Variants in EEFSEC observed in about 807,000 individuals in gnomAD.
The protein encoded by EEFSEC is eukaryotic elongation factor, selenocysteine-tRNA specific.
EEFSEC carries 43 observed loss-of-function variants against 42.1 expected under a neutral mutation model. That is an observed-to-expected ratio of 1.02 (90% CI 0.80 to 1.32). The LOEUF (loss-of-function observed/expected upper bound fraction) is 1.32. EEFSEC is among the 40% of genes most tolerant of loss of function. The pLI, the probability that EEFSEC is intolerant of heterozygous loss-of-function variation, is 0.00. For synonymous variants in EEFSEC, 354 were observed against 339.1 expected (o/e 1.04, Z -0.48); for missense variants, 745 against 803.6 (o/e 0.93, Z 0.88).
intron 6 of EEFSEC, among the ~76,000 whole-genome samples, chr3:128,376,103 G>C (rs2067706859): frequency 1.3e-5 from 2 of 152,178 alleles, no homozygotes; most frequent in Admixed American, 6.5e-5. Context: ...GGAGTAGGGT[G>C]CCTCTTTCCC....
chr3:128,322,847 C>A (rs973264082), intron 4 of EEFSEC, among the ~76,000 whole-genome samples: 6 of 152,174 alleles, frequency 3.9e-5, no homozygotes, highest in African/African-American at 1.4e-4. Context: ...CCCACCTTTG[C>A]CCCTGCTGGT....
chr3:128,157,747 T>C (rs907669993), intron 1 of EEFSEC, among the ~76,000 whole-genome samples: 1 of 152,244 alleles, frequency 6.6e-6, no homozygotes, highest in Non-Finnish European at 1.5e-5. Flanking sequence ...ATAATGCACC[T>C]GGTCACCTAA....
intron 1 of EEFSEC, among the ~76,000 whole-genome samples, chr3:128,230,031 C>A (rs2065944388): frequency 6.7e-6 from 1 of 149,866 alleles, no homozygotes; most frequent in Non-Finnish European, 1.5e-5. Context: ...TTTTTCTTTT[C>A]TTTTCTTTTT....
Position 128,173,980 on chromosome 3 carries a change from C to T in EEFSEC, c.316+20157C>T, listed in dbSNP as rs545275558. 9.2e-5 allele frequency among the ~76,000 whole-genome samples: 14 copies of T among 152,298 alleles called. No individual in the cohort carries two copies. In the East Asian group the frequency reaches 2.1e-3, roughly 23 times the overall value. On this transcript the variant is annotated intron_variant, in intron 1 of 6. Transcript: ENST00000254730. ...TCTCTTCCAGCCCTATCCGCATTCT[C>T]GCACAGATAAGTGAGAGGAATGGTG...
chr3:128,176,190 T>C (rs1290853817), intron 1 of EEFSEC, among the ~76,000 whole-genome samples: 1 of 152,180 alleles, frequency 6.6e-6, no homozygotes, highest in African/African-American at 2.4e-5. Context: ...TTTTCCTTTT[T>C]TTTTTGGTTG....
At chr3:128,408,039 G>C in intron 6 of EEFSEC, 30 bp from the exon 7 acceptor site, 1 of 1,503,540 alleles carries the variant, frequency 6.7e-7, no homozygotes, top group Non-Finnish European at 8.9e-7. Context: ...GGGTACGGCA[G>C]AGTGACAGGC....
chr3:128,308,843 G>C (rs534050907), intron 4 of EEFSEC, among the ~76,000 whole-genome samples: 1 of 152,328 alleles, frequency 6.6e-6, no homozygotes, highest in African/African-American at 2.4e-5. Flanking sequence ...CACCGCCCCT[G>C]CTGTCTGCAG....
At chr3:128,194,999 T>C (rs1020668630) in intron 1 of EEFSEC, among the ~76,000 whole-genome samples, 5 of 152,182 alleles carry the variant, frequency 3.3e-5, no homozygotes, top group Non-Finnish European at 5.9e-5. Context: ...CGCTCCTCCT[T>C]CTTGGAGCTG....
In EEFSEC at chr3:128,153,662, G is replaced by A; in HGVS notation, c.155G>A (p.Gly52Asp). 6.3e-7 allele frequency: 1 copy of A among 1,597,522 alleles called. No individual in the cohort carries two copies. Among genetic ancestry groups the A allele is most frequent in the Admixed American group, 1.7e-5 (1 of 59,796 alleles). The change falls in exon 1 of 7, where the codon GGC becomes GAC. Residue 52 changes from glycine (G) to aspartate (D), a missense_variant. Gly to Asp is a moderately conservative substitution (Grantham distance 94). Transcript: ENST00000254730. ...GAGCGCGGCATCACGCTCGATCTGG[G>A]CTTCTCGTGCTTCTCGGTGCCGCTG... ...SRERGITLDL[G>D]FSCFSVPLPA...
chr3:128,355,456 A>C (rs999770372), intron 5 of EEFSEC, among the ~76,000 whole-genome samples: 2 of 152,118 alleles, frequency 1.3e-5, no homozygotes, highest in African/African-American at 4.8e-5. Context: ...ACAGAGGGGC[A>C]TGAGGACCCT....
At chr3:128,300,562 A>G (rs1257552101) in intron 4 of EEFSEC, among the ~76,000 whole-genome samples, 1 of 118,988 alleles carries the variant, frequency 8.4e-6, no homozygotes, top group Non-Finnish European at 1.8e-5. Context: ...AAAAAAAAAA[A>G]GGCCAGTGTG....
intron 4 of EEFSEC, among the ~76,000 whole-genome samples, chr3:128,337,300 A>G (rs2067200598): frequency 1.3e-5 from 2 of 152,072 alleles, no homozygotes; most frequent in Admixed American, 6.5e-5. Flanking sequence ...TAAAATCTTG[A>G]TTTGCACAGT....
At chr3:128,398,029 G>A (rs2068002263) in intron 6 of EEFSEC, among the ~76,000 whole-genome samples, 1 of 152,270 alleles carries the variant, frequency 6.6e-6, no homozygotes, top group Admixed American at 6.5e-5. Context: ...CAGCCTGGAG[G>A]AGGGTGATGA....
downstream of EEFSEC, among the ~76,000 whole-genome samples, chr3:128,412,761 C>A (rs947669308): frequency 1.3e-5 from 2 of 152,214 alleles, no homozygotes; most frequent in Non-Finnish European, 1.5e-5. Context: ...TCAGCCGGCA[C>A]CAGGCTTGGC....
chr3:128,293,684 A>AC (rs2066672328), intron 4 of EEFSEC, among the ~76,000 whole-genome samples: 2 of 150,966 alleles, frequency 1.3e-5, no homozygotes, highest in African/African-American at 2.4e-5. Flanking sequence ...AAAAAAAAAA[A>AC]AAACTTCCCT....
chr3:128,356,158 C>G (rs1252623395), intron 5 of EEFSEC, among the ~76,000 whole-genome samples: 1 of 152,210 alleles, frequency 6.6e-6, no homozygotes, highest in Non-Finnish European at 1.5e-5. Context: ...AGGAATAAAA[C>G]AAGAATATTA....
chr3:128,189,259 T>C (rs571105487), intron 1 of EEFSEC, among the ~76,000 whole-genome samples: 8 of 152,338 alleles, frequency 5.3e-5, no homozygotes, highest in Admixed American at 2.0e-4. Context: ...CAAAACTCCA[T>C]TCACACAATG....
chr3:128,308,358 G>A (rs2066854618), intron 4 of EEFSEC, among the ~76,000 whole-genome samples: 1 of 152,342 alleles, frequency 6.6e-6, no homozygotes, highest in African/African-American at 2.4e-5. Flanking sequence ...TGTCAGGGGA[G>A]GGGGAATTGG....
chr3:128,415,159 G>C, the EEFSEC span, among the ~76,000 whole-genome samples: 1 of 150,982 alleles, frequency 6.6e-6, no homozygotes, highest in East Asian at 1.9e-4. Flanking sequence ...TGTGTCTTGG[G>C]TCTGGGTGGA....
Sources: allele counts gnomAD v4.1 joint callset (sites outside exome capture counted in the v4.1 genomes callset), GRCh38; gene constraint gnomAD v4.1.1; transcripts MANE v1.5; gene names NCBI Gene and HGNC (gene_info 2026-07-23, HGNC 2026-07-21).